Variants in COL6A6 observed in about 807,000 individuals in gnomAD.
COL6A6 encodes collagen type VI alpha 6 chain.
Under a neutral mutation model 208.6 loss-of-function variants are expected in COL6A6, and 183 were observed. The observed-to-expected ratio is 0.88, with a 90% CI of 0.78 to 0.99. The LOEUF is 0.99. Ranked by LOEUF, COL6A6 falls within the 50% of genes least tolerant of loss-of-function variation. The pLI, the probability that COL6A6 is intolerant of heterozygous loss-of-function variation, is 0.00. For missense variants in COL6A6, 2,816 were observed against 2,815.2 expected, an observed-to-expected ratio of 1.00 and a Z score of -0.01; for synonymous variants, 973 against 1,011.8, an observed-to-expected ratio of 0.96 and a Z score of 0.73.
intron 21 of COL6A6, among the ~76,000 whole-genome samples, chr3:130,608,673 TGGAAA>T (rs2064258157): frequency 1.3e-5 from 2 of 151,264 alleles, no homozygotes; most frequent in Admixed American, 6.6e-5. Context: ...TATATAAAGA[TGGAAA>T]GGAAATACAC....
At position 130,634,202 on chromosome 3, in the gene COL6A6, T is replaced by TAAAA. The variant is rs1177021616; in HGVS notation, c.4993-380_4993-377dup. On this transcript the variant is annotated intron_variant, in intron 26 of 36. Coordinates refer to ENST00000358511, the MANE Select transcript of COL6A6 (RefSeq NM_001102608.3). ...AAATAAATCTCAAGCTATAAAATGT[T>TAAAA]AAAAAAAAAAATAAATAAATAAATA... Among the ~76,000 whole-genome samples the TAAAA allele has an allele frequency of 5.6e-3, 202 of 36,298 alleles. 5 individuals carry two copies. The highest frequency in any genetic ancestry group is 9.9e-3 in the Admixed American group (18 of 1,812). The allele number at this position is 36,298 out of a possible 152,430, so 23.8% of individuals were successfully genotyped here. A position where few individuals can be genotyped will look rare whatever the true frequency, so the allele number is the denominator to read the frequency against.
chr3:130,655,764 C>T (rs1309737406), intron 33 of COL6A6, among the ~76,000 whole-genome samples: 1 of 152,214 alleles, frequency 6.6e-6, no homozygotes, highest in Non-Finnish European at 1.5e-5. Flanking sequence ...GTTGCTCCAC[C>T]AGCTGGAAAC....
At chr3:130,522,524 C>G (rs1320463842) in intron 1 of COL6A6, among the ~76,000 whole-genome samples, 2 of 152,152 alleles carry the variant, frequency 1.3e-5, no homozygotes, top group Admixed American at 1.3e-4. Context: ...GGTTGGGTCA[C>G]CATTTATTTA....
chr3:130,597,424 A>G (rs776064783), intron 18 of COL6A6, among the ~76,000 whole-genome samples: 3 of 152,218 alleles, frequency 2.0e-5, no homozygotes, highest in Admixed American at 2.0e-4. Flanking sequence ...CATTTGTTTA[A>G]AAAGCTTACT....
chr3:130,669,108 T>A (rs2066147199), intron 36 of COL6A6, among the ~76,000 whole-genome samples: 1 of 152,160 alleles, frequency 6.6e-6, no homozygotes, highest in Admixed American at 6.5e-5. Context: ...ATTAATAATA[T>A]TTTAGGCTGG....
At chr3:130,591,012 A>G in intron 12 of COL6A6, 29 bp from the exon 13 acceptor site, 1 of 1,545,354 alleles carries the variant, frequency 6.5e-7, no homozygotes, top group Non-Finnish European at 8.8e-7. Context: ...CCATAGATGC[A>G]AATGTTTTCT....
chr3:130,556,442 G>A (rs1374318969), intron 1 of COL6A6, among the ~76,000 whole-genome samples: 1 of 152,092 alleles, frequency 6.6e-6, no homozygotes, highest in Admixed American at 6.6e-5. Context: ...TGAAAGGTTG[G>A]TGGAACTTTC....
chr3:130,642,975 T>A lies in COL6A6; in HGVS notation c.5191-12T>A, dbSNP rs373025754. On this transcript the variant is annotated splice_polypyrimidine_tract_variant and intron_variant, in intron 30 of 36. Transcript: ENST00000358511. ...GTTGTTTAATTGTTTCTGTTTTATT[T>A]TCGAACTGCAGACATGTGAGCTCAT... The A allele has an allele frequency of 4.3e-6, 7 of 1,613,766 alleles. No individual in the cohort carries two copies. The highest frequency in any genetic ancestry group is 5.9e-6 in the Non-Finnish European group (7 of 1,179,810).
At chr3:130,644,250 C>T (rs2108377481) in intron 31 of COL6A6, among the ~76,000 whole-genome samples, 1 of 152,254 alleles carries the variant, frequency 6.6e-6, no homozygotes, top group South Asian at 2.1e-4. Context: ...AAGGGGGGAC[C>T]CCTGCAAGAG....
chr3:130,628,584 C>CT (rs1214196581), intron 26 of COL6A6, among the ~76,000 whole-genome samples: 3 of 152,006 alleles, frequency 2.0e-5, no homozygotes, highest in Non-Finnish European at 2.9e-5. Context: ...TAATTATATA[C>CT]TTTTTTATCC....
At chr3:130,584,658 A>G (rs1392382538) in intron 10 of COL6A6, among the ~76,000 whole-genome samples, 2 of 151,862 alleles carry the variant, frequency 1.3e-5, no homozygotes, top group African/African-American at 4.8e-5. Context: ...CCTGTTGCCC[A>G]GGTTGGAGTG....
At chr3:130,530,740 A>G (rs572454565) in intron 1 of COL6A6, among the ~76,000 whole-genome samples, 41 of 152,278 alleles carry the variant, frequency 2.7e-4, no homozygotes, top group African/African-American at 9.9e-4. Flanking sequence ...TTTTTTAGAT[A>G]TGATTAACAT....
chr3:130,542,755 A>C lies in COL6A6; in HGVS notation c.-31-17579A>C, dbSNP rs117136904. On this transcript the variant is annotated intron_variant, in intron 1 of 36. Transcript: ENST00000358511. ...ATTATTATGTCTTCTTGGAGAATTG[A>C]CTCCTTTGTCATTAGGTAGTGTCAT... Among the ~76,000 whole-genome samples, 923 of 151,560 alleles carry C rather than the reference A, an allele frequency of 6.1e-3. 11 individuals carry two copies. The highest frequency in any genetic ancestry group is 0.041 in the East Asian group (211 of 5,156).
intron 20 of COL6A6, 71 bp from the exon 21 acceptor site, chr3:130,606,860 T>G (rs1274561390): frequency 1.0e-5 from 12 of 1,198,146 alleles, no homozygotes; most frequent in Non-Finnish European, 1.4e-5. Context: ...AAAGTGTCCA[T>G]TATGAATTTA....
chr3:130,606,447 C>T (rs1277481424), intron 20 of COL6A6, among the ~76,000 whole-genome samples: 2 of 152,084 alleles, frequency 1.3e-5, no homozygotes, highest in Non-Finnish European at 2.9e-5. Context: ...TTAGTTTGGC[C>T]ATCTTTATGT....
At chr3:130,580,332 CA>C (rs1391654382) in intron 8 of COL6A6, among the ~76,000 whole-genome samples, 1 of 152,192 alleles carries the variant, frequency 6.6e-6, no homozygotes, top group Non-Finnish European at 1.5e-5. Flanking sequence ...ATAAGATGCT[CA>C]GTCTTCCAGA....
intron 1 of COL6A6, among the ~76,000 whole-genome samples, chr3:130,557,734 G>A (rs993567786): frequency 2.0e-5 from 3 of 152,118 alleles, no homozygotes; most frequent in Non-Finnish European, 2.9e-5. Flanking sequence ...GATAGGACTT[G>A]GATTATGAAT....
At chr3:130,575,821 C>T (rs1035362750) in intron 8 of COL6A6, among the ~76,000 whole-genome samples, 3 of 152,102 alleles carry the variant, frequency 2.0e-5, no homozygotes, top group Non-Finnish European at 4.4e-5. Flanking sequence ...ATAGGTCCTT[C>T]GAAGATTCCA....
intron 11 of COL6A6, 60 bp from the exon 12 acceptor site, chr3:130,589,030 G>A (rs2063609419): frequency 1.5e-6 from 2 of 1,290,784 alleles, no homozygotes; most frequent in Non-Finnish European, 2.2e-6. Context: ...GGTTGAACTT[G>A]TATATGAGAT....
Sources: gnomAD v4.1 joint callset for allele counts (sites outside exome capture counted in the v4.1 genomes callset) on GRCh38, gnomAD v4.1.1 for gene constraint, MANE v1.5 for transcripts, NCBI Gene and HGNC (gene_info 2026-07-23, HGNC 2026-07-21) for gene names.